The following ITGB6 variants were observed in gnomAD, a reference collection of about 807,000 sequenced individuals.
ITGB6 encodes the protein integrin beta-6.
A neutral mutation model predicts 84.5 loss-of-function variants in ITGB6; 80 were observed. That is an observed-to-expected ratio of 0.95 (90% confidence interval 0.79 to 1.14). ITGB6 has a LOEUF of 1.14. Ranked by LOEUF, ITGB6 falls within the 50% of genes most tolerant of loss-of-function variation. The pLI, the probability that ITGB6 is intolerant of heterozygous loss-of-function variation, is 0.00. For synonymous variants in ITGB6, 383 were observed against 354.9 expected, an observed-to-expected ratio of 1.08 and a Z score of -0.89; for missense variants, 1,006 against 968.0, an observed-to-expected ratio of 1.04 and a Z score of -0.52.
intron 7 of ITGB6, among the ~76,000 whole-genome samples, chr2:160,158,475 G>T (rs1424555543): frequency 2.0e-5 from 3 of 152,200 alleles, no homozygotes; most frequent in Non-Finnish European, 1.5e-5. Flanking sequence ...TGAGTATTTT[G>T]TTCCTAAGGA....
At chr2:160,188,761 G>A (rs1373582976) in intron 4 of ITGB6, among the ~76,000 whole-genome samples, 1 of 151,906 alleles carries the variant, frequency 6.6e-6, no homozygotes, top group Non-Finnish European at 1.5e-5. Flanking sequence ...GTGCCCCCAT[G>A]CCTGGCTAAT....
intron 2 of ITGB6, 72 bp from the exon 3 acceptor site, chr2:160,196,492 A>T: frequency 7.5e-7 from 1 of 1,330,864 alleles, no homozygotes; most frequent in African/African-American, 1.5e-5. Flanking sequence ...GATACCAGCA[A>T]TTGAAAGTTT....
chr2:160,116,675 A>G (rs970090595), intron 12 of ITGB6, among the ~76,000 whole-genome samples: 16 of 152,354 alleles, frequency 1.1e-4, no homozygotes, highest in African/African-American at 3.8e-4. Flanking sequence ...ATTAACTTTA[A>G]ATGTAAATGG....
chr2:160,196,499 G>C (rs936622426), intron 2 of ITGB6, 79 bp from the exon 3 acceptor site: 2 of 1,232,244 alleles, frequency 1.6e-6, no homozygotes, highest in Non-Finnish European at 1.2e-6. Flanking sequence ...GCAATTGAAA[G>C]TTTTTCTGCA....
chr2:160,189,961 C>T (rs1473806203), intron 4 of ITGB6, among the ~76,000 whole-genome samples: 1 of 152,094 alleles, frequency 6.6e-6, no homozygotes, highest in East Asian at 1.9e-4. Context: ...CCCCAAATGT[C>T]CAACAATGAT....
intron 7 of ITGB6, among the ~76,000 whole-genome samples, chr2:160,144,119 G>T (rs1467651687): frequency 6.6e-6 from 1 of 152,130 alleles, no homozygotes; most frequent in Non-Finnish European, 1.5e-5. Context: ...GCACACTGTA[G>T]CTCAAACTCC....
intron 4 of ITGB6, among the ~76,000 whole-genome samples, chr2:160,190,689 C>T (rs768457268): frequency 6.6e-6 from 1 of 152,110 alleles, no homozygotes; most frequent in Non-Finnish European, 1.5e-5. Flanking sequence ...GAATAAAGTA[C>T]AGTCAAGAGG....
intron 10 of ITGB6, among the ~76,000 whole-genome samples, chr2:160,131,493 G>A (rs1683466897): frequency 6.6e-6 from 1 of 152,296 alleles, no homozygotes; most frequent in South Asian, 2.1e-4. Flanking sequence ...TAAAACAACA[G>A]CAGCAGCAGA....
chr2:160,161,087 C>T (rs539770070), intron 7 of ITGB6, among the ~76,000 whole-genome samples: 1 of 152,156 alleles, frequency 6.6e-6, no homozygotes, highest in Admixed American at 6.5e-5. Context: ...GTAAAAGTAA[C>T]CCAGGAGGTA....
At chr2:160,187,323 A>T (rs535424693) in intron 4 of ITGB6, among the ~76,000 whole-genome samples, 1 of 152,328 alleles carries the variant, frequency 6.6e-6, no homozygotes, top group South Asian at 2.1e-4. Context: ...ATTCAAAATG[A>T]AAAGAGATCA....
In ITGB6 at chr2:160,128,025, CA is replaced by C. The variant is rs541371278; in HGVS notation, c.1661-1425del. Among the ~76,000 whole-genome samples the C allele has an allele frequency of 7.2e-3, 1,097 of 152,216 alleles. 10 individuals carry two copies. Among genetic ancestry groups the C allele is most frequent in the Non-Finnish European group, 0.012 (808 of 68,012 alleles). On this transcript the variant is annotated intron_variant, in intron 10 of 14. Coordinates refer to ENST00000283249, the MANE Select transcript of ITGB6 (RefSeq NM_000888.5). ...GTCCCATAAGCATACACTGAGTGCT[CA>C]AAAAATTCACTACTTAACACACTTT... is the stretch of plus-strand genomic sequence containing the variant.
rs1297368835 is a variant in ITGB6 at position 160,148,183 on chromosome 2, T to A, written c.1018-6112A>T. ...CATATTACCAAAGAAGATACAGAGA[T>A]GGCAAATAGGCATATGAAAAGATGC... On this transcript the variant is annotated intron_variant, in intron 7 of 14. Coordinates refer to ENST00000283249, the MANE Select transcript of ITGB6 (RefSeq NM_000888.5). Among the ~76,000 whole-genome samples, 3 of 152,166 alleles carry A rather than the reference T, an allele frequency of 2.0e-5. No homozygotes were observed. In the East Asian group the frequency reaches 5.8e-4, roughly 29 times the overall value.
At chr2:160,186,218 T>A (rs1437790764) in intron 4 of ITGB6, among the ~76,000 whole-genome samples, 1 of 148,114 alleles carries the variant, frequency 6.8e-6, no homozygotes, top group Non-Finnish European at 1.5e-5. Context: ...CTGCAATCTA[T>A]CCATCTGACA....
intron 4 of ITGB6, among the ~76,000 whole-genome samples, chr2:160,177,208 T>A (rs967127400): frequency 1.3e-5 from 2 of 152,220 alleles, no homozygotes; most frequent in Non-Finnish European, 2.9e-5. Context: ...TAACATTTTG[T>A]ATTTCTTCTT....
chr2:160,122,090 G>A (rs1396234681), intron 12 of ITGB6, among the ~76,000 whole-genome samples: 1 of 152,054 alleles, frequency 6.6e-6, no homozygotes, highest in Non-Finnish European at 1.5e-5. Context: ...AACACAGTCT[G>A]AATTAAAAAC....
chr2:160,110,548 G>A (rs1044863706), intron 13 of ITGB6, among the ~76,000 whole-genome samples: 10 of 152,100 alleles, frequency 6.6e-5, no homozygotes, highest in Non-Finnish European at 1.5e-4. Context: ...AAGCCTTCCC[G>A]CCTATCATTC....
intron 13 of ITGB6, among the ~76,000 whole-genome samples, chr2:160,108,254 T>TGTGTGTGC (rs931322646): frequency 6.0e-5 from 9 of 150,908 alleles, no homozygotes; most frequent in African/African-American, 2.0e-4. Flanking sequence ...TGTGTGTGTG[T>TGTGTGTGC]GCTGCATGTC....
In ITGB6 at chr2:160,172,748, C is replaced by T. The variant is rs750981305; in HGVS notation, c.760-18G>A. ...ATTTTTTCCTACAGTGAGAAAGAAACATTTGTGTGATATTGGAGGGAGGCA... is the reference window on the plus strand; with the variant it reads ...ATTTTTTCCTACAGTGAGAAAGAAATATTTGTGTGATATTGGAGGGAGGCA... On this transcript the variant is annotated intron_variant, in intron 5 of 14. Coordinates refer to ENST00000283249, the MANE Select transcript of ITGB6 (RefSeq NM_000888.5). 1.6e-5 allele frequency: 25 copies of T among 1,581,378 alleles called. No individual in the cohort carries two copies. Among genetic ancestry groups the T allele is most frequent in the Admixed American group, 1.7e-5 (1 of 59,674 alleles).
At chr2:160,114,014 A>G (rs1480203379) in intron 12 of ITGB6, among the ~76,000 whole-genome samples, 2 of 152,184 alleles carry the variant, frequency 1.3e-5, no homozygotes, top group Admixed American at 6.5e-5. Flanking sequence ...ATTCTGTGGT[A>G]GGAAATATGT....
Sources: gnomAD v4.1 joint callset for allele counts (sites outside exome capture counted in the v4.1 genomes callset) on GRCh38, gnomAD v4.1.1 for gene constraint, MANE v1.5 for transcripts, NCBI Gene and HGNC (gene_info 2026-07-23, HGNC 2026-07-21) for gene names.